MORC1: variants seen among roughly 807,000 people sequenced by gnomAD.
MORC1 encodes the protein MORC family CW-type zinc finger protein 1.
Under a neutral mutation model 134.9 loss-of-function variants are expected in MORC1, and 59 were observed. The observed-to-expected ratio is 0.44, with a 90% CI of 0.35 to 0.54. The LOEUF (loss-of-function observed/expected upper bound fraction) is 0.54, where lower values mean the gene tolerates loss of function less well. Ranked by LOEUF, MORC1 falls within the 20% of genes least tolerant of loss-of-function variation. The pLI is 0.00. For missense variants in MORC1, 947 were observed against 1,134.5 expected (o/e 0.83, Z 2.37); for synonymous variants, 395 against 391.7 (o/e 1.01, Z -0.10).
rs756400873 is a variant in MORC1 at position 109,062,060 on chromosome 3, TG to T, written c.896-3del. On this transcript the variant is annotated splice_region_variant and splice_polypyrimidine_tract_variant and intron_variant, in intron 10 of 27. Transcript: ENST00000232603. ...GTGCTTCTTTCAATATGGATTCAGCTGGAAGTAGAAGCCAAATAGTTATAAC... is the reference window on the plus strand; with the variant it reads ...GTGCTTCTTTCAATATGGATTCAGCTGAAGTAGAAGCCAAATAGTTATAAC... The T allele has an allele frequency of 7.4e-6, 12 of 1,613,880 alleles. No homozygotes were observed. In the Admixed American group the frequency reaches 2.0e-4, roughly 27 times the overall value.
intron 14 of MORC1, among the ~76,000 whole-genome samples, chr3:109,041,913 C>T (rs1461025556): frequency 6.6e-6 from 1 of 151,118 alleles, no homozygotes; most frequent in Non-Finnish European, 1.5e-5. Context: ...CACTACACTC[C>T]AGCCTGGGCA....
At chr3:109,086,161 A>G (rs1950612488) in intron 8 of MORC1, among the ~76,000 whole-genome samples, 1 of 152,048 alleles carries the variant, frequency 6.6e-6, no homozygotes, top group African/African-American at 2.4e-5. Context: ...AATAAGACCT[A>G]CTGTTCAACA....
Position 108,979,574 on chromosome 3 carries a change from T to C in MORC1, c.2418A>G (p.Pro806=). Residue 806 remains proline, a synonymous_variant, in exon 24 of 28, where the codon CCA becomes CCG. Transcript: ENST00000232603. The stretch of plus-strand genomic sequence containing the variant: ...TGACAGGTGTGCTTTGAGAAGACGC[T>C]GGCGAAGAAGCAACTTTACAACTGC... ...VSGSCKVASS[P]ASSQSTPVKE... is the part of the protein sequence containing the mutation. 3 of 1,614,208 alleles carry C rather than the reference T, an allele frequency of 1.9e-6. No homozygotes were observed. The highest frequency in any genetic ancestry group is 2.5e-6 in the Non-Finnish European group (3 of 1,180,030).
chr3:109,024,599 G>C (rs3804691), intron 17 of MORC1, among the ~76,000 whole-genome samples: 2 of 152,070 alleles, frequency 1.3e-5, no homozygotes, highest in Non-Finnish European at 1.5e-5. Flanking sequence ...TAAGAGATAG[G>C]GTGTGCAGGT....
chr3:108,964,348 G>A (rs372120934), intron 26 of MORC1, among the ~76,000 whole-genome samples: 29 of 152,200 alleles, frequency 1.9e-4, no homozygotes, highest in African/African-American at 7.0e-4. Flanking sequence ...AGAGATACAC[G>A]GCAAATCCCA....
chr3:109,032,108 G>T (rs1949254900), intron 16 of MORC1, among the ~76,000 whole-genome samples: 1 of 152,000 alleles, frequency 6.6e-6, no homozygotes, highest in Non-Finnish European at 1.5e-5. Context: ...ATTGATTCAC[G>T]TATCCAGCTC....
chr3:108,971,207 G>T, intron 25 of MORC1, 123 bp downstream of exon 25: 1 of 759,298 alleles, frequency 1.3e-6, no homozygotes, highest in Non-Finnish European at 2.2e-6. Flanking sequence ...TTGGTATAAA[G>T]ATGCTCATCT....
At chr3:109,090,620 CAAAAAA>C (rs34093019) in intron 8 of MORC1, among the ~76,000 whole-genome samples, 2 of 54,690 alleles carry the variant, frequency 3.7e-5, no homozygotes, top group Non-Finnish European at 7.5e-5. Flanking sequence ...AACTCCGTCT[CAAAAAA>C]AAAAAAAAAA....
chr3:109,011,506 T>C (rs1263196972), intron 17 of MORC1, among the ~76,000 whole-genome samples: 2 of 151,836 alleles, frequency 1.3e-5, no homozygotes, highest in Non-Finnish European at 2.9e-5. Flanking sequence ...CTTATTATTG[T>C]TTTTGTGCTT....
chr3:108,965,847 A>G (rs1256407729), intron 26 of MORC1, among the ~76,000 whole-genome samples: 2 of 152,180 alleles, frequency 1.3e-5, no homozygotes, highest in African/African-American at 4.8e-5. Context: ...CGACACTATT[A>G]ATACGAGATG....
chr3:109,032,663 A>C, intron 16 of MORC1, 57 bp downstream of exon 16: 2 of 1,202,034 alleles, frequency 1.7e-6, no homozygotes, highest in Non-Finnish European at 2.4e-6. Context: ...AGGTTCATAC[A>C]TATGAACTTT....
At chr3:109,060,790 C>T (rs879425938) in intron 11 of MORC1, among the ~76,000 whole-genome samples, 3 of 151,990 alleles carry the variant, frequency 2.0e-5, no homozygotes, top group Non-Finnish European at 4.4e-5. Context: ...TGGCAGTGCC[C>T]CCAGAGCACA....
At position 109,004,294 on chromosome 3, in the gene MORC1, C is replaced by T. The variant is rs561416243; in HGVS notation, c.2085+523G>A. Among the ~76,000 whole-genome samples, 15 of 151,942 alleles carry T rather than the reference C, an allele frequency of 9.9e-5. No homozygotes were observed. The East Asian group carries it at 2.1e-3, about 22-fold the overall frequency. Reference sequence around the variant, plus strand: ...GTGAACAATATCGACTCTTTAAGGTCGAATTTAATTTGTGGAAATAGTAAA... The same window carrying T: ...GTGAACAATATCGACTCTTTAAGGTTGAATTTAATTTGTGGAAATAGTAAA... On this transcript the variant is annotated intron_variant, in intron 20 of 27. Transcript: ENST00000232603.
intron 11 of MORC1, 30 bp from the exon 12 acceptor site, chr3:109,059,900 A>T: frequency 6.3e-7 from 1 of 1,582,440 alleles, no homozygotes; most frequent in South Asian, 1.1e-5. Context: ...GGGAGAGAAC[A>T]TAATGCCACT....
chr3:109,107,358 T>C (rs1951062024), intron 3 of MORC1, among the ~76,000 whole-genome samples: 1 of 152,112 alleles, frequency 6.6e-6, no homozygotes, highest in Non-Finnish European at 1.5e-5. Flanking sequence ...CTCAGAGATA[T>C]AAGGAAAGCT....
intron 9 of MORC1, among the ~76,000 whole-genome samples, chr3:109,063,795 A>G (rs533095249): frequency 8.5e-5 from 13 of 152,288 alleles, no homozygotes; most frequent in African/African-American, 3.1e-4. Flanking sequence ...ACATACATAT[A>G]TATATCCATA....
chr3:109,075,558 C>G (rs1055914089), intron 8 of MORC1, among the ~76,000 whole-genome samples: 1 of 152,166 alleles, frequency 6.6e-6, no homozygotes, highest in Non-Finnish European at 1.5e-5. Context: ...AATAGGGAAT[C>G]CTTTCCACAT....
intron 17 of MORC1, among the ~76,000 whole-genome samples, chr3:109,017,898 C>T (rs985968789): frequency 3.3e-5 from 5 of 152,144 alleles, no homozygotes; most frequent in Admixed American, 2.0e-4. Flanking sequence ...CAGAAAGTCC[C>T]GCAAATCACA....
intron 6 of MORC1, among the ~76,000 whole-genome samples, chr3:109,098,467 C>T (rs1188785555): frequency 6.6e-6 from 1 of 152,126 alleles, no homozygotes; most frequent in East Asian, 1.9e-4. Flanking sequence ...CCAGCTCCAC[C>T]CACTGGCAGT....
Sources: allele counts gnomAD v4.1 joint callset (sites outside exome capture counted in the v4.1 genomes callset), GRCh38; gene constraint gnomAD v4.1.1; transcripts MANE v1.5; gene names NCBI Gene and HGNC (gene_info 2026-07-23, HGNC 2026-07-21).